The following DGKB variants were observed in gnomAD, a reference collection of about 807,000 sequenced individuals.
DGKB encodes the protein diacylglycerol kinase beta.
Under a neutral mutation model 114.3 loss-of-function variants are expected in DGKB, and 67 were observed. That is an observed-to-expected ratio of 0.59 (90% CI 0.48 to 0.72). The LOEUF is 0.72. Ranked by LOEUF, DGKB falls within the 30% of genes least tolerant of loss-of-function variation. The pLI, the probability that DGKB is intolerant of heterozygous loss-of-function variation, is 0.00. For synonymous variants in DGKB, 398 were observed against 323.1 expected (o/e 1.23, Z -2.49); for missense variants, 907 against 975.2 (o/e 0.93, Z 0.93).
intron 1 of DGKB, among the ~76,000 whole-genome samples, chr7:14,860,154 A>G (rs1850761293): frequency 6.6e-6 from 1 of 152,110 alleles, no homozygotes; most frequent in Non-Finnish European, 1.5e-5. Context: ...TTCCTTGTTC[A>G]ATACTGTCTT....
At chr7:14,437,790 T>A (rs940564380) in intron 21 of DGKB, among the ~76,000 whole-genome samples, 10 of 150,416 alleles carry the variant, frequency 6.6e-5, no homozygotes, top group Middle Eastern at 3.4e-3. Flanking sequence ...TAGGGTTATC[T>A]CGTAAGCCCT....
intron 23 of DGKB, among the ~76,000 whole-genome samples, chr7:14,233,824 A>AC (rs1289054729): frequency 8.6e-5 from 13 of 151,632 alleles, no homozygotes; most frequent in Admixed American, 7.2e-4. Context: ...ACACTTCTCA[A>AC]CCCCCCTCCC....
intron 6 of DGKB, among the ~76,000 whole-genome samples, chr7:14,714,141 A>T (rs1006288329): frequency 6.6e-6 from 1 of 151,758 alleles, no homozygotes; most frequent in Admixed American, 6.6e-5. Context: ...AAAAGAGAGC[A>T]AAATAAATCC....
At chr7:14,568,940 C>T (rs1216497934) in intron 20 of DGKB, among the ~76,000 whole-genome samples, 4 of 152,184 alleles carry the variant, frequency 2.6e-5, no homozygotes, top group South Asian at 2.1e-4. Flanking sequence ...GTACAAACTA[C>T]GTGCTCATCT....
At chr7:14,621,201 CTCTGTCAATCAACCGTAAGACTGACA>C in intron 15 of DGKB, 151 bp downstream of exon 15, 1 of 503,100 alleles carries the variant, frequency 2.0e-6, no homozygotes, top group Non-Finnish European at 3.5e-6. Context: ...CAGAATGTTA[CTCTGTCAATCAACCGTAAGACTGACA>C]TCTTGATAAA....
At chr7:14,219,240 G>C (rs1170295790) in intron 23 of DGKB, among the ~76,000 whole-genome samples, 2 of 151,780 alleles carry the variant, frequency 1.3e-5, no homozygotes, top group Admixed American at 6.6e-5. Flanking sequence ...TTAATGTACA[G>C]GCTTTCTGTA....
In DGKB at chr7:14,973,178, G is replaced by T. The variant is rs75491102; in HGVS notation, c.-188+1518C>A. Among the ~76,000 whole-genome samples the T allele has an allele frequency of 7.7e-3, 1,177 of 151,946 alleles. 32 individuals are homozygous for T. The highest frequency in any genetic ancestry group is 0.06 in the East Asian group (308 of 5,152). On this transcript the variant is annotated intron_variant, in intron 1 of 4. Coordinates refer to the DGKB transcript ENST00000437998. ...AAGTCTGAAATCCTCCCGTCTTGAA[G>T]TTTCTACATATCCAATAGACTTCTG...
intron 8 of DGKB, 91 bp from the exon 9 acceptor site, chr7:14,694,285 G>C: frequency 1.7e-6 from 2 of 1,145,154 alleles, no homozygotes; most frequent in Non-Finnish European, 2.5e-6. Flanking sequence ...TAACAGCTAA[G>C]TGGAGAGTTG....
At chr7:14,831,876 A>C (rs1028450123) in intron 2 of DGKB, among the ~76,000 whole-genome samples, 1 of 152,124 alleles carries the variant, frequency 6.6e-6, no homozygotes, top group Non-Finnish European at 1.5e-5. Flanking sequence ...GTAAAAGAAG[A>C]AAATCAGACC....
intron 4 of DGKB, among the ~76,000 whole-genome samples, chr7:14,753,246 T>C (rs1834370141): frequency 6.6e-6 from 1 of 152,210 alleles, no homozygotes. Context: ...AACTCATACA[T>C]TTTAGCAAGA....
chr7:14,603,469 A>T (rs1427576301), intron 17 of DGKB, among the ~76,000 whole-genome samples: 1 of 152,114 alleles, frequency 6.6e-6, no homozygotes, highest in Non-Finnish European at 1.5e-5. Context: ...TCCTTAAATA[A>T]AATATGGTAG....
chr7:14,505,949 C>T (rs6949628), intron 20 of DGKB, among the ~76,000 whole-genome samples: 7,735 of 151,934 alleles, frequency 0.051, 369 homozygotes, highest in African/African-American at 0.13. Context: ...TTATTCATAC[C>T]CAGATTTTTT....
intron 20 of DGKB, among the ~76,000 whole-genome samples, chr7:14,504,419 C>T (rs192031060): frequency 1.3e-3 from 201 of 152,228 alleles, no homozygotes; most frequent in Admixed American, 3.8e-3. Context: ...AGCTTCTTAT[C>T]CGGACTCATT....
intron 1 of DGKB, among the ~76,000 whole-genome samples, chr7:14,912,954 TCCA>T (rs921556559): frequency 6.6e-6 from 1 of 152,196 alleles, no homozygotes; most frequent in Non-Finnish European, 1.5e-5. Flanking sequence ...GTAATTATTC[TCCA>T]CCATTTCTTT....
intron 23 of DGKB, among the ~76,000 whole-genome samples, chr7:14,178,607 C>T (rs775259230): frequency 3.9e-5 from 6 of 152,116 alleles, no homozygotes; most frequent in Non-Finnish European, 8.8e-5. Context: ...CCTTGGAGAT[C>T]ATGGAGTTGG....
At chr7:14,748,170 C>G (rs1429232970) in intron 4 of DGKB, among the ~76,000 whole-genome samples, 2 of 152,176 alleles carry the variant, frequency 1.3e-5, no homozygotes, top group Admixed American at 6.5e-5. Context: ...GCACCAGGCT[C>G]TGTTCTAGGT....
chr7:14,298,204 A>C (rs1342646832), intron 23 of DGKB, among the ~76,000 whole-genome samples: 2 of 152,180 alleles, frequency 1.3e-5, no homozygotes, highest in Admixed American at 1.3e-4. Flanking sequence ...AGAAAAAACT[A>C]CTTCAAATTT....
At chr7:14,748,616 T>A (rs979126664) in intron 4 of DGKB, among the ~76,000 whole-genome samples, 2 of 152,166 alleles carry the variant, frequency 1.3e-5, no homozygotes, top group African/African-American at 4.8e-5. Flanking sequence ...GCTGTGGCAA[T>A]GTGTGGACTG....
At position 14,420,087 on chromosome 7, in the gene DGKB, GAAGTTCT is replaced by G. The variant is rs577512773; in HGVS notation, c.1835+58067_1835+58073del. Among the ~76,000 whole-genome samples the G allele has an allele frequency of 3.2e-4, 49 of 151,912 alleles. No homozygotes were observed. The South Asian group carries it at 3.3e-3, about 10-fold the overall frequency. On this transcript the variant is annotated intron_variant, in intron 21 of 25. Coordinates refer to ENST00000402815, the MANE Select transcript of DGKB (RefSeq NM_001350709.2). ...TTATTGATTATTTTAACTTTTTTTA[GAAGTTCT>G]AACTAAAATGCAGCCCTGGGCATAG... is the stretch of plus-strand genomic sequence containing the variant.
Sources: gnomAD v4.1 joint callset for allele counts (sites outside exome capture counted in the v4.1 genomes callset) on GRCh38, gnomAD v4.1.1 for gene constraint, MANE v1.5 for transcripts, NCBI Gene and HGNC (gene_info 2026-07-23, HGNC 2026-07-21) for gene names.